The following CHST3 variants were observed in gnomAD, a reference collection of about 807,000 sequenced individuals.
CHST3 encodes carbohydrate sulfotransferase 3.
A neutral mutation model predicts 35.4 loss-of-function variants in CHST3; 20 were observed. The observed-to-expected ratio is 0.57, with a 90% CI of 0.40 to 0.82. The LOEUF (loss-of-function observed/expected upper bound fraction) is 0.82. CHST3 is among the 40% of genes least tolerant of loss of function. The pLI, the probability that CHST3 is intolerant of heterozygous loss-of-function variation, is 0.00. For missense variants in CHST3, 693 were observed against 670.1 expected (o/e 1.03, Z -0.38); for synonymous variants, 334 against 295.9 (o/e 1.13, Z -1.32).
intron 1 of CHST3, among the ~76,000 whole-genome samples, chr10:71,979,661 C>A (rs1014610883): frequency 6.6e-6 from 1 of 152,078 alleles, no homozygotes; most frequent in Non-Finnish European, 1.5e-5. Flanking sequence ...GCTTTGAATT[C>A]TTTTTAGGAA....
chr10:71,974,471 G>A (rs943115709), intron 1 of CHST3, among the ~76,000 whole-genome samples: 1 of 152,162 alleles, frequency 6.6e-6, no homozygotes, highest in Non-Finnish European at 1.5e-5. Flanking sequence ...ACATGGCAGG[G>A]GCATCACAGG....
chr10:71,974,753 C>T (rs1028584910), intron 1 of CHST3, among the ~76,000 whole-genome samples: 1 of 152,174 alleles, frequency 6.6e-6, no homozygotes, highest in African/African-American at 2.4e-5. Context: ...CCAAGTCCTG[C>T]AAGGGGACCC....
intron 1 of CHST3, among the ~76,000 whole-genome samples, chr10:72,002,340 G>A (rs1840002099): frequency 6.6e-6 from 1 of 152,300 alleles, no homozygotes; most frequent in South Asian, 2.1e-4. Context: ...AGGTTCAGAG[G>A]CTTGTCATTT....
intron 1 of CHST3, among the ~76,000 whole-genome samples, chr10:71,990,743 C>T (rs776726874): frequency 6.6e-5 from 10 of 152,206 alleles, no homozygotes; most frequent in African/African-American, 9.7e-5. Flanking sequence ...CCTGTTAATG[C>T]CAGCACACTG....
chr10:71,983,424 A>G (rs533282833), intron 1 of CHST3, among the ~76,000 whole-genome samples: 2 of 152,306 alleles, frequency 1.3e-5, no homozygotes, highest in Admixed American at 1.3e-4. Flanking sequence ...TGTTTCTTCC[A>G]AGATTCTCCT....
chr10:71,987,862 A>C (rs185679653), intron 1 of CHST3, among the ~76,000 whole-genome samples: 3 of 152,302 alleles, frequency 2.0e-5, no homozygotes, highest in African/African-American at 7.2e-5. Flanking sequence ...AGGAGGATAG[A>C]GCAAGAATTA....
intron 1 of CHST3, among the ~76,000 whole-genome samples, chr10:71,999,271 G>A (rs1487857149): frequency 2.0e-5 from 3 of 152,216 alleles, no homozygotes; most frequent in Non-Finnish European, 4.4e-5. Flanking sequence ...GGGCTCCCCT[G>A]CCGCCTCTCT....
At position 72,007,782 on chromosome 10, in the gene CHST3, C is replaced by T. The variant is rs1252429142; in HGVS notation, c.751C>T (p.Arg251Cys). The change falls in exon 3 of 3, where the codon CGC (arginine) becomes TGC (cysteine). Residue 251 changes from arginine (R) to cysteine (C), a missense_variant. Physicochemically the swap from Arg to Cys is radical, Grantham distance 180 (BLOSUM62 -3). Transcript: ENST00000373115. ...CGAGAAGTACCACTGCAAGAACCGC[C>T]GCTGCGGCCCCCTCAACGTGACGCT... ...VFEKYHCKNR[R>C]CGPLNVTLAA... is the part of the protein sequence containing the mutation. 6.2e-7 allele frequency: 1 copy of T among 1,601,264 alleles called. No homozygotes were observed. Among genetic ancestry groups the T allele is most frequent in the East Asian group, 2.2e-5 (1 of 44,838 alleles).
At chr10:71,969,670 G>A (rs1312412418) in intron 1 of CHST3, among the ~76,000 whole-genome samples, 4 of 152,212 alleles carry the variant, frequency 2.6e-5, no homozygotes, top group Non-Finnish European at 4.4e-5. Flanking sequence ...TGACCAGGAC[G>A]GAAGTTGGGG....
At chr10:72,005,052 G>A (rs1157156375) in intron 1 of CHST3, among the ~76,000 whole-genome samples, 1 of 152,176 alleles carries the variant, frequency 6.6e-6, no homozygotes, top group African/African-American at 2.4e-5. Context: ...TTGAGCCTGG[G>A]AGGTTGAGGC....
intron 1 of CHST3, among the ~76,000 whole-genome samples, chr10:71,987,581 T>A (rs1332365015): frequency 6.6e-6 from 1 of 151,844 alleles, no homozygotes; most frequent in Non-Finnish European, 1.5e-5. Flanking sequence ...CTGGGCGTGG[T>A]GGTGCCTAAC....
At chr10:71,985,272 A>T (rs1027431085) in intron 1 of CHST3, among the ~76,000 whole-genome samples, 9 of 152,116 alleles carry the variant, frequency 5.9e-5, no homozygotes, top group Non-Finnish European at 1.3e-4. Flanking sequence ...GTCTCATGGG[A>T]CTCACTGCCT....
intron 1 of CHST3, among the ~76,000 whole-genome samples, chr10:71,976,690 A>T (rs1225532489): frequency 6.6e-6 from 1 of 152,022 alleles, no homozygotes; most frequent in Non-Finnish European, 1.5e-5. Context: ...TGGAGGGGCC[A>T]TTTTTCTTCC....
At chr10:72,004,477 G>C (rs530329833) in intron 1 of CHST3, among the ~76,000 whole-genome samples, 5 of 152,126 alleles carry the variant, frequency 3.3e-5, no homozygotes, top group Non-Finnish European at 5.9e-5. Context: ...GCCATGTTAA[G>C]GATTTAGGTA....
intron 1 of CHST3, among the ~76,000 whole-genome samples, chr10:72,001,222 T>G (rs1212824582): frequency 1.3e-5 from 2 of 152,198 alleles, no homozygotes; most frequent in Non-Finnish European, 2.9e-5. Context: ...CTCAGCACTG[T>G]GCCTCTTTTC....
intron 1 of CHST3, among the ~76,000 whole-genome samples, chr10:71,987,113 C>T (rs1589501772): frequency 6.6e-6 from 1 of 151,776 alleles, no homozygotes; most frequent in African/African-American, 2.4e-5. Flanking sequence ...AGATGGGCTC[C>T]TCTGTGGCCA....
intron 1 of CHST3, among the ~76,000 whole-genome samples, chr10:71,980,785 A>T (rs1839793343): frequency 6.6e-6 from 1 of 152,224 alleles, no homozygotes; most frequent in South Asian, 2.1e-4. Context: ...TGAATGGATG[A>T]GAATTGCTGA....
At chr10:72,007,054 C>T in intron 2 of CHST3, 118 bp from the exon 3 acceptor site, 3 of 1,169,412 alleles carry the variant, frequency 2.6e-6, no homozygotes, top group Non-Finnish European at 1.2e-6. Flanking sequence ...TCAACGTCTG[C>T]TTTTGGGGAA....
intron 1 of CHST3, among the ~76,000 whole-genome samples, chr10:71,977,448 A>AT (rs10554998): frequency 0.02 from 2,574 of 128,922 alleles, 87 homozygotes; most frequent in African/African-American, 0.066. Flanking sequence ...CCTAAGCTCG[A>AT]TTTTTTTTTT....
Sources: gnomAD v4.1 joint callset for allele counts (sites outside exome capture counted in the v4.1 genomes callset) on GRCh38, gnomAD v4.1.1 for gene constraint, MANE v1.5 for transcripts, NCBI Gene and HGNC (gene_info 2026-07-23, HGNC 2026-07-21) for gene names.